The following EWSR1 variants were observed in gnomAD, a reference collection of about 807,000 sequenced individuals.
EWSR1 encodes EWS RNA binding protein 1.
In EWSR1, 14 loss-of-function variants were observed where a neutral mutation model predicts 92.1. The observed-to-expected ratio is 0.15, with a 90% CI of 0.10 to 0.24. The LOEUF (loss-of-function observed/expected upper bound fraction) is 0.24. Ranked by LOEUF, EWSR1 falls within the 10% of genes least tolerant of loss-of-function variation. EWSR1 has a pLI of 1.00. For missense variants in EWSR1, 637 were observed against 870.9 expected, an observed-to-expected ratio of 0.73 and a Z score of 3.38; for synonymous variants, 303 against 292.9, an observed-to-expected ratio of 1.03 and a Z score of -0.35.
chr22:29,300,319 A>AAAAC lies in EWSR1; in HGVS notation c.*161_*164dup, dbSNP rs1486872898. 7 of 725,602 alleles carry AAAAC rather than the reference A, an allele frequency of 9.6e-6. No homozygotes were observed. The highest frequency in any genetic ancestry group is 1.3e-5 in the Non-Finnish European group (6 of 453,786). The allele number at this position is 725,602 out of a possible 1,614,324, so 44.9% of individuals were successfully genotyped here. A position where few individuals can be genotyped will look rare whatever the true frequency, so the allele number is the denominator to read the frequency against. On this transcript the variant is annotated 3_prime_UTR_variant, in exon 17 of 17. Transcript: ENST00000397938. Reference sequence around the variant, plus strand: ...TTTTCACCATTTGTGAAGAAACATTAAAACAAGTTAAATGGTAGTGTGCGG... The same window carrying AAAAC: ...TTTTCACCATTTGTGAAGAAACATTAAAACAAACAAGTTAAATGGTAGTGTGCGG...
intron 8 of EWSR1, 109 bp downstream of exon 8, chr22:29,288,895 A>G: frequency 1.8e-6 from 2 of 1,106,154 alleles, no homozygotes; most frequent in Non-Finnish European, 2.5e-6. Context: ...ATTTCCATGG[A>G]CAATCTGTTG....
chr22:29,273,530 G>A (rs973523301), intron 3 of EWSR1, among the ~76,000 whole-genome samples: 2 of 151,904 alleles, frequency 1.3e-5, no homozygotes, highest in African/African-American at 4.8e-5. Context: ...AGCTTTTTCC[G>A]TAGCTAACTT....
rs1253588526 is a variant in EWSR1 at position 29,285,130 on chromosome 22, T to TTGTTTTTTTTTTG, written c.582-1792_582-1791insGTTTTTTTTTTGT. ...CACTGCTTCTGGCCCTTGTTTTTTTTTTTTTTTTTTTGAGATGGAGTTTTG... is the reference window on the plus strand; with the variant it reads ...CACTGCTTCTGGCCCTTGTTTTTTTTTGTTTTTTTTTTGTTTTTTTTTTTGAGATGGAGTTTTG... On this transcript the variant is annotated intron_variant, in intron 6 of 16. Coordinates refer to ENST00000397938, the MANE Select transcript of EWSR1 (RefSeq NM_005243.4). 4.1e-5 allele frequency among the ~76,000 whole-genome samples: 6 copies of TTGTTTTTTTTTTG among 146,846 alleles called. 1 individual carries two copies. Among genetic ancestry groups the TTGTTTTTTTTTTG allele is most frequent in the African/African-American group, 1.6e-4 (6 of 37,950 alleles).
At chr22:29,300,010 ACCC>A in intron 16 of EWSR1, 109 bp from the exon 17 acceptor site, 2 of 657,990 alleles carry the variant, frequency 3.0e-6, no homozygotes, top group Non-Finnish European at 2.0e-6. Flanking sequence ...GGGCTTCCTC[ACCC>A]CTTCCCATTC....
At chr22:29,277,455 T>G (rs1473407586) in intron 4 of EWSR1, 1 of 225,302 alleles carries the variant, frequency 4.4e-6, no homozygotes, top group African/African-American at 2.2e-5. Context: ...AATCATGTGC[T>G]CAAGTAATTA....
chr22:29,278,356 G>A (rs2059282293), intron 5 of EWSR1, 140 bp downstream of exon 5: 1 of 809,284 alleles, frequency 1.2e-6, no homozygotes, highest in Non-Finnish European at 1.9e-6. Context: ...GTTAGTAACT[G>A]ATGTGCTAGA....
At chr22:29,277,057 T>C (rs1359637267) in intron 4 of EWSR1, 2 of 230,190 alleles carry the variant, frequency 8.7e-6, no homozygotes, top group East Asian at 6.2e-5. Flanking sequence ...GTTTTGGTCA[T>C]GCTCCACGCC....
At chr22:29,273,162 G>C (rs370857812) in intron 3 of EWSR1, among the ~76,000 whole-genome samples, 3 of 152,210 alleles carry the variant, frequency 2.0e-5, no homozygotes, top group Admixed American at 2.0e-4. Context: ...AAGTTCAAAA[G>C]ACAGTACTCT....
At chr22:29,281,712 C>G (rs1264688559) in intron 5 of EWSR1, among the ~76,000 whole-genome samples, 1 of 152,076 alleles carries the variant, frequency 6.6e-6, no homozygotes, top group Non-Finnish European at 1.5e-5. Context: ...TCCTGAGTAG[C>G]TGGGACTACA....
chr22:29,280,932 TGCA>T (rs2147128656), intron 5 of EWSR1, among the ~76,000 whole-genome samples: 1 of 133,094 alleles, frequency 7.5e-6, no homozygotes, highest in East Asian at 2.5e-4. Context: ...CAGGCTGGAG[TGCA>T]GTGGCGCCAT....
At chr22:29,293,690 G>A (rs1219146168) in intron 11 of EWSR1, among the ~76,000 whole-genome samples, 2 of 152,096 alleles carry the variant, frequency 1.3e-5, no homozygotes, top group East Asian at 3.9e-4. Context: ...TCAGCCTCCT[G>A]AGTAGCTAGG....
intron 6 of EWSR1, among the ~76,000 whole-genome samples, chr22:29,285,706 C>T (rs1279352029): frequency 1.3e-5 from 2 of 151,310 alleles, no homozygotes; most frequent in African/African-American, 4.9e-5. Context: ...CTGAATGCCT[C>T]ACTTCACTCT....
chr22:29,282,347 A>C (rs1012966374), intron 5 of EWSR1, 43 bp from the exon 6 acceptor site: 1 of 1,499,344 alleles, frequency 6.7e-7, no homozygotes, highest in Non-Finnish European at 8.9e-7. Flanking sequence ...CAACCACACA[A>C]AAAAAGTCAC....
intron 16 of EWSR1, 77 bp downstream of exon 16, chr22:29,299,928 G>A: frequency 6.5e-7 from 1 of 1,541,392 alleles, no homozygotes; most frequent in Non-Finnish European, 8.7e-7. Context: ...GTTGGCGCAA[G>A]TCCTCATGTC....
rs557700850 is a variant in EWSR1 at position 29,285,040 on chromosome 22, A to G, written c.582-1883A>G. 8.6e-5 allele frequency among the ~76,000 whole-genome samples: 13 copies of G among 150,926 alleles called. No homozygotes were observed. In the East Asian group the frequency reaches 2.5e-3, roughly 29 times the overall value. On this transcript the variant is annotated intron_variant, in intron 6 of 16. Coordinates refer to ENST00000397938, the MANE Select transcript of EWSR1 (RefSeq NM_005243.4). Reference sequence around the variant, plus strand: ...TTCCATGTTGGTCAGGCTAGTCTCGAACCCCTGACCTCAGGTGATCCACCC... The same window carrying G: ...TTCCATGTTGGTCAGGCTAGTCTCGGACCCCTGACCTCAGGTGATCCACCC...
At chr22:29,286,348 G>A (rs142744290) in intron 6 of EWSR1, among the ~76,000 whole-genome samples, 70 of 151,692 alleles carry the variant, frequency 4.6e-4, no homozygotes, top group Admixed American at 2.0e-3. Flanking sequence ...TGGGAGTGGC[G>A]ATTAAGAGAA....
chr22:29,285,360 G>T (rs1298493620), intron 6 of EWSR1, among the ~76,000 whole-genome samples: 1 of 150,998 alleles, frequency 6.6e-6, no homozygotes, highest in Non-Finnish European at 1.5e-5. Context: ...GACCTCAGGT[G>T]ATCCACCTGC....
intron 12 of EWSR1, 29 bp downstream of exon 12, chr22:29,296,397 C>T: frequency 1.2e-6 from 2 of 1,612,114 alleles, no homozygotes; most frequent in Non-Finnish European, 1.7e-6. Context: ...CATTCTTAAT[C>T]TCCCTGGCTA....
chr22:29,290,954 C>G (rs889000821), intron 8 of EWSR1: 1 of 237,860 alleles, frequency 4.2e-6, no homozygotes, highest in African/African-American at 2.2e-5. Context: ...ACCCCCAGTC[C>G]GTTGAGCCTT....
Sources: allele counts gnomAD v4.1 joint callset (sites outside exome capture counted in the v4.1 genomes callset), GRCh38; gene constraint gnomAD v4.1.1; transcripts MANE v1.5; gene names NCBI Gene and HGNC (gene_info 2026-07-23, HGNC 2026-07-21).